The following ZFAND6 variants were observed in gnomAD, a reference collection of about 807,000 sequenced individuals.
ZFAND6 encodes the protein AN1-type zinc finger protein 6.
A neutral mutation model predicts 24.5 loss-of-function variants in ZFAND6; 12 were observed. That is an observed-to-expected ratio of 0.49 (90% CI 0.31 to 0.79). The LOEUF (loss-of-function observed/expected upper bound fraction) is 0.79, where lower values mean the gene tolerates loss of function less well. ZFAND6 is among the 30% of genes least tolerant of loss of function. The pLI is 0.04. For synonymous variants in ZFAND6, 92 were observed against 81.5 expected (o/e 1.13, Z -0.69); for missense variants, 207 against 245.9 (o/e 0.84, Z 1.06).
At chr15:80,123,112 CT>C in intron 5 of ZFAND6, 1 of 176,036 alleles carries the variant, frequency 5.7e-6, no homozygotes, top group Non-Finnish European at 1.2e-5. Flanking sequence ...CTATATACTA[CT>C]CTGTAAGAAA....
intron 3 of ZFAND6, chr15:80,120,714 C>T (rs765201815): frequency 4.5e-5 from 14 of 310,090 alleles, no homozygotes; most frequent in Non-Finnish European, 6.9e-5. Flanking sequence ...ATACCATAAT[C>T]TTATTTCTGT....
chr15:80,064,120 A>C (rs1365227606), intron 1 of ZFAND6, among the ~76,000 whole-genome samples: 5 of 152,122 alleles, frequency 3.3e-5, no homozygotes, highest in African/African-American at 4.8e-5. Context: ...TTTTTTTCTT[A>C]TTATTATAAG....
At chr15:80,132,734 A>G (rs2040664390) in intron 6 of ZFAND6, among the ~76,000 whole-genome samples, 1 of 152,182 alleles carries the variant, frequency 6.6e-6, no homozygotes. Flanking sequence ...GAATAATACC[A>G]TAAGACTCGT....
intron 2 of ZFAND6, among the ~76,000 whole-genome samples, chr15:80,108,087 G>A (rs1415888621): frequency 1.3e-5 from 2 of 152,102 alleles, no homozygotes; most frequent in African/African-American, 4.8e-5. Context: ...ACTATTATGA[G>A]GATTAAAGGG....
Position 80,138,391 on chromosome 15 carries a change from G to A in ZFAND6, c.*763G>A, listed in dbSNP as rs1047644384. The stretch of plus-strand genomic sequence containing the variant: ...AAAAGGAAAACCAGAATGCTCCCTT[G>A]TATTACTTTTTCTCTTATTCTTTCT... On this transcript the variant is annotated 3_prime_UTR_variant, in exon 7 of 7. Transcript: ENST00000261749. The A allele has an allele frequency of 6.6e-6, 1 of 152,548 alleles. No individual in the cohort carries two copies. Among genetic ancestry groups the A allele is most frequent in the African/African-American group, 2.4e-5 (1 of 41,426 alleles). The allele number at this position is 152,548 out of a possible 1,614,324, so 9.4% of individuals were successfully genotyped here.
At chr15:80,125,888 C>T (rs1404309599) in intron 5 of ZFAND6, among the ~76,000 whole-genome samples, 1 of 152,114 alleles carries the variant, frequency 6.6e-6, no homozygotes, top group African/African-American at 2.4e-5. Flanking sequence ...ATAAGAATGT[C>T]CCTCTTACAG....
chr15:80,121,685 C>G, intron 3 of ZFAND6, 27 bp from the exon 4 acceptor site: 1 of 1,572,894 alleles, frequency 6.4e-7, no homozygotes, highest in African/African-American at 1.3e-5. Context: ...TATAGAATCA[C>G]TAATACGCAA....
intron 1 of ZFAND6, among the ~76,000 whole-genome samples, chr15:80,094,341 T>G (rs2141913217): frequency 6.6e-6 from 1 of 152,172 alleles, no homozygotes; most frequent in East Asian, 1.9e-4. Context: ...AACACTGGAT[T>G]CTCATAGGAG....
At chr15:80,076,078 C>T (rs1426494378) in intron 1 of ZFAND6, among the ~76,000 whole-genome samples, 2 of 152,116 alleles carry the variant, frequency 1.3e-5, no homozygotes, top group African/African-American at 4.8e-5. Flanking sequence ...CCTTTACAAC[C>T]ATTAAGTAAT....
chr15:80,122,110 C>G (rs934688226), intron 4 of ZFAND6, among the ~76,000 whole-genome samples: 12 of 151,986 alleles, frequency 7.9e-5, no homozygotes, highest in Non-Finnish European at 1.6e-4. Flanking sequence ...AAATGTTAGT[C>G]TTATTCTGCA....
intron 2 of ZFAND6, chr15:80,112,822 A>G (rs771556151): frequency 2.2e-6 from 1 of 456,130 alleles, no homozygotes; most frequent in South Asian, 1.5e-5. Context: ...ATGCAACAGG[A>G]AACACTAATC....
chr15:80,071,745 TA>T lies in ZFAND6; in HGVS notation c.-181+11950del, dbSNP rs990222363. Among the ~76,000 whole-genome samples, 859 of 138,786 alleles carry T rather than the reference TA, an allele frequency of 6.2e-3. 1 individual carries two copies. The highest frequency in any genetic ancestry group is 0.011 in the South Asian group (47 of 4,390). The allele number at this position is 138,786 out of a possible 152,430, so 91.0% of individuals were successfully genotyped here. A position where few individuals can be genotyped will look rare whatever the true frequency, so the allele number is the denominator to read the frequency against. On this transcript the variant is annotated intron_variant, in intron 1 of 6. Coordinates refer to ENST00000261749, the MANE Select transcript of ZFAND6 (RefSeq NM_019006.4). ...GGAGTGCAAAGTAGTTTCCACACAT[TA>T]AAAAAAAAAAAAAGATGAAAAAGAC... is the stretch of plus-strand genomic sequence containing the variant.
At position 80,105,004 on chromosome 15, in the gene ZFAND6, G is replaced by A. The variant is rs7173967; in HGVS notation, c.-18+6426G>A. 6.5e-4 allele frequency among the ~76,000 whole-genome samples: 99 copies of A among 152,244 alleles called. 2 individuals are homozygous for A. Among genetic ancestry groups the A allele is most frequent in the African/African-American group, 2.1e-3 (88 of 41,548 alleles). On this transcript the variant is annotated intron_variant, in intron 2 of 6. Transcript: ENST00000261749. ...GCTCCCCTTTTCATTCTAAGGTGGTGGGATTCCCTGTTGCTTGTGGGTTTA... is the reference window on the plus strand; with the variant it reads ...GCTCCCCTTTTCATTCTAAGGTGGTAGGATTCCCTGTTGCTTGTGGGTTTA...
intron 1 of ZFAND6, among the ~76,000 whole-genome samples, chr15:80,093,463 C>A (rs909560384): frequency 1.3e-5 from 2 of 152,014 alleles, no homozygotes; most frequent in African/African-American, 2.4e-5. Flanking sequence ...CGCGGTGGCT[C>A]ACGCCTGTAA....
chr15:80,108,304 T>A (rs78332919), intron 2 of ZFAND6, among the ~76,000 whole-genome samples: 1,844 of 152,242 alleles, frequency 0.012, 30 homozygotes, highest in African/African-American at 0.042. Context: ...AGAGATTTTT[T>A]AAAAGGTTTT....
intron 1 of ZFAND6, among the ~76,000 whole-genome samples, chr15:80,074,282 A>G (rs2037142305): frequency 6.6e-6 from 1 of 151,946 alleles, no homozygotes; most frequent in Non-Finnish European, 1.5e-5. Flanking sequence ...AATTGTATCT[A>G]TGCTAGATAT....
chr15:80,092,825 G>A (rs951285926), intron 1 of ZFAND6, among the ~76,000 whole-genome samples: 1 of 152,026 alleles, frequency 6.6e-6, no homozygotes, highest in Admixed American at 6.5e-5. Context: ...TGGTAAAGAA[G>A]CAAAAATGTT....
At chr15:80,132,275 TAAG>T (rs528137798) in intron 6 of ZFAND6, among the ~76,000 whole-genome samples, 4 of 152,224 alleles carry the variant, frequency 2.6e-5, no homozygotes, top group African/African-American at 4.8e-5. Context: ...TTTTTTTAAT[TAAG>T]AAGAGTTAGG....
At chr15:80,126,099 G>A (rs900361735) in intron 5 of ZFAND6, among the ~76,000 whole-genome samples, 9 of 152,170 alleles carry the variant, frequency 5.9e-5, no homozygotes, top group African/African-American at 9.7e-5. Context: ...AAGATGAGTT[G>A]ATGTTAGAGA....
Sources: gnomAD v4.1 joint callset for allele counts (sites outside exome capture counted in the v4.1 genomes callset) on GRCh38, gnomAD v4.1.1 for gene constraint, MANE v1.5 for transcripts, NCBI Gene and HGNC (gene_info 2026-07-23, HGNC 2026-07-21) for gene names.